CDKL4: variants seen among roughly 807,000 people sequenced by gnomAD.
The protein encoded by CDKL4 is cyclin dependent kinase like 4, also known as cyclin-dependent kinase-like 4.
Under a neutral mutation model 42.0 loss-of-function variants are expected in CDKL4, and 44 were observed. The ratio of observed to expected loss-of-function variants is 1.05; its 90% CI spans 0.82 to 1.35. CDKL4 has a LOEUF of 1.35. CDKL4 is among the 40% of genes most tolerant of loss of function. The pLI is 0.00. For missense variants in CDKL4, 393 were observed against 369.9 expected, an observed-to-expected ratio of 1.06 and a Z score of -0.51; for synonymous variants, 120 against 121.6, an observed-to-expected ratio of 0.99 and a Z score of 0.09.
At chr2:39,177,808 C>T (rs977079107) in intron 9 of CDKL4, among the ~76,000 whole-genome samples, 2 of 151,818 alleles carry the variant, frequency 1.3e-5, no homozygotes, top group African/African-American at 4.8e-5. Flanking sequence ...CCTGCCTCAG[C>T]CTCCCAAGGA....
At chr2:39,225,658 T>C (rs1678662736) in intron 3 of CDKL4, among the ~76,000 whole-genome samples, 181 bp downstream of exon 3, 1 of 152,210 alleles carries the variant, frequency 6.6e-6, no homozygotes, top group African/African-American at 2.4e-5. Context: ...CTCCTAATTA[T>C]AACTCCTATA....
In CDKL4 at chr2:39,225,935, T is replaced by G. The variant is rs996685363; in HGVS notation, c.194A>C (p.Asn65Thr). ...TTTTCTCCTGAACACCTCGATGAGGTTCACAAGATTTGGATGTTTTAATTG... is the reference window on the plus strand; with the variant it reads ...TTTTCTCCTGAACACCTCGATGAGGGTCACAAGATTTGGATGTTTTAATTG... Residue 65 changes from asparagine (N) to threonine (T), a missense_variant, in exon 3 of 10, where the codon AAC becomes ACC. Transcript: ENST00000451199. 3.7e-6 allele frequency: 6 copies of G among 1,610,852 alleles called. No homozygotes were observed. In the African/African-American group the frequency reaches 5.4e-5, roughly 14 times the overall value.
intron 8 of CDKL4, among the ~76,000 whole-genome samples, chr2:39,182,922 G>A (rs1273583596): frequency 1.3e-5 from 2 of 152,210 alleles, no homozygotes; most frequent in Non-Finnish European, 2.9e-5. Flanking sequence ...AGCAGTCCCT[G>A]CATAGGTTAT....
chr2:39,176,206 CA>C (rs2148274156), intron 9 of CDKL4, 110 bp from the exon 10 acceptor site: 11 of 336,308 alleles, frequency 3.3e-5, no homozygotes, highest in South Asian at 2.5e-4. Flanking sequence ...ACAAAGATGT[CA>C]AAAGACATCA....
chr2:39,180,231 A>G (rs1430842705), intron 8 of CDKL4, among the ~76,000 whole-genome samples: 1 of 152,218 alleles, frequency 6.6e-6, no homozygotes, highest in Admixed American at 6.5e-5. Flanking sequence ...TTACATTTTT[A>G]AAAGGAGCAG....
intron 8 of CDKL4, among the ~76,000 whole-genome samples, chr2:39,181,521 G>C (rs1489864521): frequency 1.3e-5 from 2 of 152,110 alleles, no homozygotes; most frequent in African/African-American, 4.8e-5. Flanking sequence ...ACTGTTATGG[G>C]TTGAGTTGTA....
chr2:39,217,393 A>G (rs1677996564), intron 3 of CDKL4, among the ~76,000 whole-genome samples: 1 of 152,156 alleles, frequency 6.6e-6, no homozygotes, highest in African/African-American at 2.4e-5. Flanking sequence ...ACTGCTCAGA[A>G]TATGCTCTTT....
intron 5 of CDKL4, 102 bp from the exon 6 acceptor site, chr2:39,190,604 A>G (rs1464438397): frequency 3.3e-6 from 3 of 921,346 alleles, no homozygotes; most frequent in East Asian, 4.8e-5. Flanking sequence ...ATCAGAGGCC[A>G]TGATACTCTT....
intron 1 of CDKL4, among the ~76,000 whole-genome samples, chr2:39,242,870 G>A (rs1679729033): frequency 6.6e-6 from 1 of 152,022 alleles, no homozygotes; most frequent in South Asian, 2.1e-4. Context: ...GGTTGAGGCG[G>A]GTGGAGCACT....
At chr2:39,181,941 C>G (rs545849622) in intron 8 of CDKL4, among the ~76,000 whole-genome samples, 2 of 152,064 alleles carry the variant, frequency 1.3e-5, no homozygotes, top group Non-Finnish European at 2.9e-5. Context: ...TAAGTCCTAT[C>G]GGTTTTCCTT....
At chr2:39,223,170 T>C (rs1678482041) in intron 3 of CDKL4, among the ~76,000 whole-genome samples, 1 of 152,184 alleles carries the variant, frequency 6.6e-6, no homozygotes, top group African/African-American at 2.4e-5. Context: ...ATTGTATGGA[T>C]GGATATACCA....
At chr2:39,168,119 T>C in the CDKL4 span, among the ~76,000 whole-genome samples, 1 of 152,124 alleles carries the variant, frequency 6.6e-6, no homozygotes, top group African/African-American at 2.4e-5. Context: ...TAATATTATG[T>C]ATATTTAACA....
At chr2:39,236,795 T>C in intron 1 of CDKL4, among the ~76,000 whole-genome samples, 1 of 152,192 alleles carries the variant, frequency 6.6e-6, no homozygotes, top group African/African-American at 2.4e-5. Flanking sequence ...TCAAGTTGGT[T>C]GGACAAGTGC....
intron 4 of CDKL4, among the ~76,000 whole-genome samples, chr2:39,210,527 T>A (rs1677527086): frequency 6.6e-6 from 1 of 152,168 alleles, no homozygotes; most frequent in African/African-American, 2.4e-5. Context: ...ATTCAATAAA[T>A]ATTTATTGAT....
In CDKL4 at chr2:39,240,416, G is replaced by A. The variant is rs562152101; in HGVS notation, c.-57+3455C>T. Among the ~76,000 whole-genome samples, 23 of 136,764 alleles carry A rather than the reference G, an allele frequency of 1.7e-4. No individual in the cohort carries two copies. The East Asian group carries it at 2.5e-3, about 15-fold the overall frequency. The allele number at this position is 136,764 out of a possible 152,430, so 89.7% of individuals were successfully genotyped here. ...GACTAGGGGACAAGAGCGAGACTTC[G>A]TCTCAAAAAAAAAAAAAAAAAATTA... On this transcript the variant is annotated intron_variant, in intron 1 of 9. Coordinates refer to ENST00000451199, the Ensembl canonical transcript of CDKL4.
At chr2:39,176,544 G>C (rs1322186131) in intron 9 of CDKL4, among the ~76,000 whole-genome samples, 7 of 152,048 alleles carry the variant, frequency 4.6e-5, no homozygotes, top group African/African-American at 1.7e-4. Flanking sequence ...AGCGATTCTT[G>C]TGCCTCAGCC....
At position 39,185,406 on chromosome 2, in the gene CDKL4, GTATATATACA is replaced by G. The variant is rs1675749134; in HGVS notation, c.736-769_736-760del. Among the ~76,000 whole-genome samples the G allele has an allele frequency of 5.0e-3, 73 of 14,484 alleles. 7 individuals carry two copies. The highest frequency in any genetic ancestry group is 0.035 in the Admixed American group (68 of 1,956). 9.5% of individuals were successfully genotyped at this position (14,484 alleles called of 152,430 possible). On this transcript the variant is annotated intron_variant, in intron 7 of 9. Transcript: ENST00000451199. Reference sequence around the variant, plus strand: ...TATATACATGTATATATACATATGTGTATATATACATATATATATACATATGTATATATAC... The same window carrying G: ...TATATACATGTATATATACATATGTGTATATATATACATATGTATATATAC...
intron 5 of CDKL4, among the ~76,000 whole-genome samples, chr2:39,192,884 G>C (rs548592346): frequency 3.0e-4 from 46 of 152,168 alleles, no homozygotes; most frequent in Admixed American, 4.6e-4. Flanking sequence ...CCAGCACTTT[G>C]GGAGGCAAAG....
rs147827138 is a variant in CDKL4, at chr2:39,184,199, A to G, written c.792+392T>C. ...CTGGTATCCTCATACCCTTTGTCCA[A>G]TGAGCTTTTGGTATACACAATGTAT... On this transcript the variant is annotated intron_variant, in intron 8 of 9. Coordinates refer to ENST00000451199, the Ensembl canonical transcript of CDKL4. Among the ~76,000 whole-genome samples, 350 of 152,358 alleles carry G rather than the reference A, an allele frequency of 2.3e-3. 1 individual carries two copies. The highest frequency in any genetic ancestry group is 8.2e-3 in the African/African-American group (339 of 41,580).
Sources: allele counts gnomAD v4.1 joint callset (sites outside exome capture counted in the v4.1 genomes callset), GRCh38; gene constraint gnomAD v4.1.1; transcripts MANE v1.5; gene names NCBI Gene and HGNC (gene_info 2026-07-23, HGNC 2026-07-21).